Variants in INVS observed in about 807,000 individuals in gnomAD.
INVS encodes the protein inversion of embryo turning homolog.
INVS carries 86 observed loss-of-function variants against 108.8 expected under a neutral mutation model. The ratio of observed to expected loss-of-function variants is 0.79; its 90% CI spans 0.66 to 0.95. The LOEUF is 0.95. INVS is among the 40% of genes least tolerant of loss of function. The pLI is 0.00. For synonymous variants in INVS, 455 were observed against 473.5 expected (o/e 0.96, Z 0.51); for missense variants, 1,169 against 1,297.4 (o/e 0.90, Z 1.52).
At chr9:100,125,337 TG>T (rs542526196) in intron 2 of INVS, among the ~76,000 whole-genome samples, 45 of 152,210 alleles carry the variant, frequency 3.0e-4, no homozygotes, top group Non-Finnish European at 5.7e-4. Flanking sequence ...CATAGTCAAA[TG>T]GTTCACTCAG....
At chr9:100,202,092 G>GTTTTTTTT (rs35296886) in intron 3 of INVS, among the ~76,000 whole-genome samples, 3 of 147,868 alleles carry the variant, frequency 2.0e-5, no homozygotes, top group Non-Finnish European at 3.0e-5. Context: ...TATTACAATA[G>GTTTTTTTT]TTTTTTTTTT....
intron 3 of INVS, among the ~76,000 whole-genome samples, chr9:100,183,897 A>G (rs894317159): frequency 6.6e-6 from 1 of 151,868 alleles, no homozygotes; most frequent in African/African-American, 2.4e-5. Context: ...TGCTATTTAA[A>G]GCAAAAATTA....
Position 100,278,296 on chromosome 9 carries a change from C to T in INVS, c.1784+5220C>T, listed in dbSNP as rs139248962. On this transcript the variant is annotated intron_variant, in intron 12 of 16. Transcript: ENST00000262457. ...GGTCTCTGAGATCTCTTCTGAGTCT[C>T]TGCTCATGCATACTTCTCCCTCTGC... Among the ~76,000 whole-genome samples the T allele has an allele frequency of 2.0e-4, 30 of 151,386 alleles. No individual in the cohort carries two copies. In the East Asian group the frequency reaches 5.6e-3, roughly 28 times the overall value.
Position 100,185,405 on chromosome 9 carries a change from A to G in INVS, c.274-40657A>G, listed in dbSNP as rs374446423. On this transcript the variant is annotated intron_variant, in intron 3 of 16. Transcript: ENST00000262457. ...AGTCACCACCTCCATGGTTAACACC[A>G]TTATGATTTTTAACACAAAAGATTA... Among the ~76,000 whole-genome samples the G allele has an allele frequency of 3.6e-3, 541 of 151,272 alleles. 3 individuals are homozygous for G. Among genetic ancestry groups the G allele is most frequent in the Non-Finnish European group, 6.4e-3 (436 of 67,810 alleles).
Position 100,116,309 on chromosome 9 carries a change from A to G in INVS, c.107-10074A>G, listed in dbSNP as rs1445542101. Reference sequence around the variant, plus strand: ...TTTTTAGTAGAGATGGGGTTTTGCCATGTTGCCTAGGCTGGTCTCAAACTC... The same window carrying G: ...TTTTTAGTAGAGATGGGGTTTTGCCGTGTTGCCTAGGCTGGTCTCAAACTC... On this transcript the variant is annotated intron_variant, in intron 2 of 16. Transcript: ENST00000262457. Among the ~76,000 whole-genome samples, 6 of 151,870 alleles carry G rather than the reference A, an allele frequency of 4.0e-5. No homozygotes were observed. In the East Asian group the frequency reaches 1.2e-3, roughly 29 times the overall value.
At chr9:100,123,619 G>C (rs575993894) in intron 2 of INVS, among the ~76,000 whole-genome samples, 4 of 152,088 alleles carry the variant, frequency 2.6e-5, no homozygotes, top group Non-Finnish European at 5.9e-5. Context: ...TTTCTCTTGG[G>C]TACATACTTG....
chr9:100,162,101 A>G (rs1829209498), intron 3 of INVS, among the ~76,000 whole-genome samples: 1 of 152,226 alleles, frequency 6.6e-6, no homozygotes, highest in African/African-American at 2.4e-5. Context: ...ACTAAATGGT[A>G]TAATAATAAG....
chr9:100,298,410 G>C, intron 16 of INVS: 2 of 791,216 alleles, frequency 2.5e-6, no homozygotes, highest in Non-Finnish European at 3.1e-6. Flanking sequence ...AACACTGAGA[G>C]CATGTACAGC....
chr9:100,150,841 A>C (rs975523085), intron 3 of INVS, among the ~76,000 whole-genome samples: 2 of 152,162 alleles, frequency 1.3e-5, no homozygotes, highest in Admixed American at 6.5e-5. Flanking sequence ...TTTAGCTGTT[A>C]AGCTTTCACA....
intron 4 of INVS, among the ~76,000 whole-genome samples, chr9:100,228,777 T>G (rs1397532049): frequency 6.6e-6 from 1 of 152,174 alleles, no homozygotes; most frequent in African/African-American, 2.4e-5. Context: ...ATCAATCACA[T>G]GCAAATTTAA....
At position 100,298,389 on chromosome 9, in the gene INVS, A is replaced by G. The variant is rs150426192; in HGVS notation, c.3091+379A>G. The G allele has an allele frequency of 3.3e-3, 2,961 of 909,516 alleles. 6 individuals carry two copies. The highest frequency in any genetic ancestry group is 3.6e-3 in the Non-Finnish European group (2,749 of 760,672). 56.3% of individuals were successfully genotyped at this position (909,516 alleles called of 1,614,324 possible). A position where few individuals can be genotyped will look rare whatever the true frequency, so the allele number is the denominator to read the frequency against. On this transcript the variant is annotated intron_variant, in intron 16 of 16. Coordinates refer to ENST00000262457, the MANE Select transcript of INVS (RefSeq NM_014425.5). ...TTTCCTTCTCCAAGATGGGAAGAACACCATGAAGAGAACACTGAGAGCATG... is the reference window on the plus strand; with the variant it reads ...TTTCCTTCTCCAAGATGGGAAGAACGCCATGAAGAGAACACTGAGAGCATG...
At chr9:100,163,003 A>C (rs73656951) in intron 3 of INVS, among the ~76,000 whole-genome samples, 28 of 152,084 alleles carry the variant, frequency 1.8e-4, no homozygotes, top group African/African-American at 6.3e-4. Flanking sequence ...TCTGTTGGAC[A>C]CTTACAGAGC....
At position 100,110,877 on chromosome 9, in the gene INVS, A is replaced by T. The variant is rs577098223; in HGVS notation, c.106+6250A>T. ...ATAAGTTATAGAAATATTTTATAAA[A>T]TCTCAAGTCCTCTCAAAATACAGTA... On this transcript the variant is annotated intron_variant, in intron 2 of 16. Transcript: ENST00000262457. Among the ~76,000 whole-genome samples the T allele has an allele frequency of 2.6e-5, 4 of 152,322 alleles. No individual in the cohort carries two copies. The East Asian group carries it at 7.7e-4, about 29-fold the overall frequency.
intron 3 of INVS, among the ~76,000 whole-genome samples, chr9:100,152,347 G>T (rs1422168211): frequency 6.6e-6 from 1 of 152,012 alleles, no homozygotes; most frequent in African/African-American, 2.4e-5. Context: ...CAGTATAGTT[G>T]TCATCTCTCC....
At chr9:100,226,424 T>A (rs990270632) in intron 4 of INVS, among the ~76,000 whole-genome samples, 189 bp downstream of exon 4, 3 of 152,150 alleles carry the variant, frequency 2.0e-5, no homozygotes, top group African/African-American at 7.2e-5. Flanking sequence ...CAACCATGTG[T>A]GTTAGGTAGT....
intron 3 of INVS, among the ~76,000 whole-genome samples, chr9:100,202,795 T>C (rs548776323): frequency 6.6e-6 from 1 of 152,228 alleles, no homozygotes; most frequent in Non-Finnish European, 1.5e-5. Flanking sequence ...GTCTCATTCA[T>C]AAATTTAGTC....
rs549549038 is a variant in INVS, at chr9:100,259,797, G to A, written c.1465-5025G>A. 5.9e-4 allele frequency among the ~76,000 whole-genome samples: 89 copies of A among 151,716 alleles called. 1 individual carries two copies. In the East Asian group the frequency reaches 0.016, roughly 27 times the overall value. ...ACTCCTGATCTCAGGTGATCCGCCC[G>A]CCTCGGCCTCCCTAAGTGCTGGGAT... On this transcript the variant is annotated intron_variant, in intron 10 of 16. Coordinates refer to ENST00000262457, the MANE Select transcript of INVS (RefSeq NM_014425.5).
At chr9:100,185,049 A>G in intron 3 of INVS, among the ~76,000 whole-genome samples, 1 of 152,164 alleles carries the variant, frequency 6.6e-6, no homozygotes, top group Admixed American at 6.6e-5. Flanking sequence ...GTTGGTGAAA[A>G]GCTACCAGCT....
chr9:100,211,057 G>A (rs1830816496), intron 3 of INVS, among the ~76,000 whole-genome samples: 1 of 152,026 alleles, frequency 6.6e-6, no homozygotes, highest in Non-Finnish European at 1.5e-5. Context: ...ACCAGTGAAT[G>A]ACAAACTCTG....
Sources: allele counts gnomAD v4.1 joint callset (sites outside exome capture counted in the v4.1 genomes callset), GRCh38; gene constraint gnomAD v4.1.1; transcripts MANE v1.5; gene names NCBI Gene and HGNC (gene_info 2026-07-23, HGNC 2026-07-21).